The following CD163 variants were observed in gnomAD, a reference collection of about 807,000 sequenced individuals.
CD163 encodes scavenger receptor cysteine-rich type 1 protein M130.
In CD163, 64 loss-of-function variants were observed where a neutral mutation model predicts 129.2. The observed-to-expected ratio is 0.50, with a 90% confidence interval of 0.41 to 0.61. The LOEUF (loss-of-function observed/expected upper bound fraction) is 0.61. Among genes scored for constraint, CD163 ranks in the 20% least tolerant of loss-of-function variants. CD163 has a pLI of 0.00. For synonymous variants in CD163, 446 were observed against 478.5 expected (o/e 0.93, Z 0.89); for missense variants, 1,061 against 1,377.9 (o/e 0.77, Z 3.64).
chr12:7,485,541 T>G lies in CD163; in HGVS notation c.2459-125A>C. ...AATAGTACAATATGTCAGTTACTAA[T>G]AATTCGTTAGTAACTTCTGGATGAT... On this transcript the variant is annotated intron_variant, in intron 10 of 16. Transcript: ENST00000432237. This position sits in a 1 kb window ranked among gnomAD's most constrained non-coding sequence, Gnocchi z 4.5. 1.5e-5 allele frequency: 8 copies of G among 534,634 alleles called. No homozygotes were observed. The highest frequency in any genetic ancestry group is 3.9e-5 in the South Asian group (1 of 25,478). 33.1% of individuals were successfully genotyped at this position (534,634 alleles called of 1,614,324 possible).
At chr12:7,476,646 C>G (rs1038236974) in intron 16 of CD163, among the ~76,000 whole-genome samples, 9 of 152,072 alleles carry the variant, frequency 5.9e-5, no homozygotes, top group African/African-American at 2.2e-4. Flanking sequence ...AGAAGAAAAC[C>G]TAGGCAGTAC....
rs1948999918 is a variant in CD163 at position 7,471,324 on chromosome 12, A to G, written c.*105T>C. 1 of 152,290 alleles carries G rather than the reference A, an allele frequency of 6.6e-6. No homozygotes were observed. Among genetic ancestry groups the G allele is most frequent in the Admixed American group, 6.5e-5 (1 of 15,270 alleles). The allele number at this position is 152,290 out of a possible 1,614,324, so 9.4% of individuals were successfully genotyped here. On this transcript the variant is annotated 3_prime_UTR_variant, in exon 17 of 17. Coordinates refer to ENST00000432237, the MANE Select transcript of CD163 (RefSeq NM_203416.4). ...AGAACTCCATAAAAATGCAACTGTA[A>G]TAGTCAGTGAGAGAGGTGAATTTCT... is the stretch of plus-strand genomic sequence containing the variant.
chr12:7,499,721 T>C (rs1949452753), intron 3 of CD163, among the ~76,000 whole-genome samples: 1 of 152,144 alleles, frequency 6.6e-6, no homozygotes, highest in African/African-American at 2.4e-5. Context: ...GATGTTACTT[T>C]TGTTATTCCC....
chr12:7,482,450 TGCCTCA>T (rs1261238295), intron 14 of CD163, among the ~76,000 whole-genome samples, 187 bp downstream of exon 14: 6 of 152,164 alleles, frequency 3.9e-5, no homozygotes, highest in African/African-American at 1.4e-4. Context: ...GCAATTCTCC[TGCCTCA>T]GCCTCCCAAA....
chr12:7,498,314 C>T (rs991678177), intron 4 of CD163, among the ~76,000 whole-genome samples: 1 of 151,958 alleles, frequency 6.6e-6, no homozygotes, highest in Admixed American at 6.6e-5. Flanking sequence ...CGATTTTCCC[C>T]GCCCCCAGTC....
Position 7,502,493 on chromosome 12 carries a change from C to A in CD163, c.118G>T (p.Val40Phe), listed in dbSNP as rs1376389013. The A allele has an allele frequency of 1.3e-6, 2 of 1,597,860 alleles. No homozygotes were observed. Among genetic ancestry groups the A allele is most frequent in the African/African-American group, 1.3e-5 (1 of 74,714 alleles). ...AAGTACTCACCAAGAGAACTGGTGA[C>A]AAAACAGGCACTGAGAAGTAAGACC... ...TVVLLLSACFVTSSLGGTDKE... is the reference protein window; with the variant it reads ...TVVLLLSACFFTSSLGGTDKE... Residue 40 changes from valine (V) to phenylalanine (F), a missense_variant, in exon 2 of 17, where the codon GTC becomes TTC. Coordinates refer to ENST00000432237, the MANE Select transcript of CD163 (RefSeq NM_203416.4).
intron 11 of CD163, among the ~76,000 whole-genome samples, chr12:7,484,416 G>C (rs1414410826): frequency 6.6e-6 from 1 of 152,022 alleles, no homozygotes; most frequent in African/African-American, 2.4e-5. Context: ...AAGGCGGGTG[G>C]ATCACCTGAG....
intron 3 of CD163, among the ~76,000 whole-genome samples, chr12:7,499,431 GT>G: frequency 9.2e-6 from 1 of 109,032 alleles, no homozygotes; most frequent in South Asian, 3.8e-4. Context: ...TAAACTTTCT[GT>G]TTTGTTTTGT....
intron 15 of CD163, 167 bp from the exon 16 acceptor site, chr12:7,480,080 C>T: frequency 7.9e-7 from 1 of 1,262,874 alleles, no homozygotes; most frequent in Non-Finnish European, 1.1e-6. Context: ...CTAAAAACAC[C>T]ACCCATAACT....
In CD163 at chr12:7,488,038, A is replaced by G; in HGVS notation, c.1470T>C (p.Arg490=). The stretch of plus-strand genomic sequence containing the variant: ...ACGTGTCACCATGCTTCACTTCAAC[A>G]CGTCCAGAACAGGGAATGTCCCCTC... ...LVGGDIPCSG[R]VEVKHGDTWG... Residue 490 remains arginine, a synonymous_variant, in exon 7 of 17, where the codon CGT becomes CGC. Transcript: ENST00000432237. The G allele has an allele frequency of 6.2e-7, 1 of 1,614,000 alleles. No homozygotes were observed. The highest frequency in any genetic ancestry group is 8.5e-7 in the Non-Finnish European group (1 of 1,179,964).
chr12:7,482,691 C>G lies in CD163; in HGVS notation c.3199G>C (p.Ala1067Pro). 6.2e-7 allele frequency: 1 copy of G among 1,614,026 alleles called. No individual in the cohort carries two copies. The highest frequency in any genetic ancestry group is 8.5e-7 in the Non-Finnish European group (1 of 1,179,972). ...LGVVLLAIFVALFFLTKKRRQ... is the reference protein window; with the variant it reads ...LGVVLLAIFVPLFFLTKKRRQ... Reference sequence around the variant, plus strand: ...CGCTTTTTAGTCAAGAAGAATAATGCGACGAAAATGGCCAACAGAACAACC... The same window carrying G: ...CGCTTTTTAGTCAAGAAGAATAATGGGACGAAAATGGCCAACAGAACAACC... Residue 1067 changes from alanine to proline, a missense_variant, in exon 14 of 17, where the codon GCA (alanine) becomes CCA (proline). Ala to Pro is a conservative substitution (Grantham distance 27). Transcript: ENST00000432237.
chr12:7,487,555 A>G lies in CD163; in HGVS notation c.1854T>C (p.His618=), dbSNP rs779717186. The G allele has an allele frequency of 4.3e-6, 7 of 1,614,112 alleles. No homozygotes were observed. The South Asian group carries it at 7.7e-5, about 18-fold the overall frequency. The change falls in exon 8 of 17, where the codon CAT becomes CAC. Residue 618 remains histidine (H), a synonymous_variant. Coordinates refer to ENST00000432237, the MANE Select transcript of CD163 (RefSeq NM_203416.4). This position sits in a 1 kb window ranked among gnomAD's most constrained non-coding sequence, Gnocchi z 5.1. ...CNSHWDIEDA[H]VLCQQLKCGV... ...CACATTTAAGCTGCTGGCAAAGAAC[A>G]TGGGCATCTTCTATGTCCCAGTGAG...
intron 16 of CD163, among the ~76,000 whole-genome samples, chr12:7,474,014 C>A (rs1395780247): frequency 6.6e-6 from 1 of 152,050 alleles, no homozygotes; most frequent in African/African-American, 2.4e-5. Context: ...GGAATCAATG[C>A]AACAAGAAGA....
At chr12:7,500,421 C>A (rs867458524) in intron 3 of CD163, among the ~76,000 whole-genome samples, 274 of 64,034 alleles carry the variant, frequency 4.3e-3, no homozygotes, top group African/African-American at 0.011. Context: ...CAATTCGTCC[C>A]AAAAAAAAAA....
In CD163 at chr12:7,485,171, G is replaced by A; in HGVS notation, c.2704C>T (p.Leu902=). ...NVQCPKGPDT[L]WQCPSSPWEK... ...CATGGAGATGATGGGCACTGCCACA[G>A]CGTGTCAGGTCCTTTTGGACACTGA... Residue 902 remains leucine (L), a synonymous_variant, in exon 11 of 17, where the codon CTG becomes TTG. Transcript: ENST00000432237. The surrounding 1 kb of genome is among the most constrained non-coding windows in gnomAD (Gnocchi z 4.5). 1.2e-6 allele frequency: 2 copies of A among 1,614,124 alleles called. No homozygotes were observed. Among genetic ancestry groups the A allele is most frequent in the Non-Finnish European group, 1.7e-6 (2 of 1,179,976 alleles).
intron 12 of CD163, 96 bp from the exon 13 acceptor site, chr12:7,483,100 C>A: frequency 8.3e-7 from 1 of 1,202,526 alleles, no homozygotes; most frequent in South Asian, 1.3e-5. Flanking sequence ...ACCTCTCAAC[C>A]AAGTATATGA....
chr12:7,485,072 T>G lies in CD163; in HGVS notation c.2779+24A>C. 6.4e-7 allele frequency: 1 copy of G among 1,552,746 alleles called. No homozygotes were observed. The highest frequency in any genetic ancestry group is 8.7e-7 in the Non-Finnish European group (1 of 1,148,684). ...ATAGCGGGGCTGCAGAATGGAATTT[T>G]CATATAGGTCGATGGATACTCACTG... is the stretch of plus-strand genomic sequence containing the variant. On this transcript the variant is annotated intron_variant, in intron 11 of 16. Transcript: ENST00000432237. This position sits in a 1 kb window ranked among gnomAD's most constrained non-coding sequence, Gnocchi z 4.5.
chr12:7,492,588 C>CA (rs1164664835), intron 6 of CD163, among the ~76,000 whole-genome samples: 1 of 151,996 alleles, frequency 6.6e-6, no homozygotes, highest in East Asian at 1.9e-4. Flanking sequence ...AACAAAACTA[C>CA]AAAAAATCAG....
chr12:7,482,709 G>A lies in CD163; in HGVS notation c.3181C>T (p.Leu1061=), dbSNP rs1414372505. Residue 1061 remains leucine (L), a synonymous_variant, in exon 14 of 17, where the codon CTG becomes TTG. Transcript: ENST00000432237. Reference sequence around the variant, plus strand: ...AATAATGCGACGAAAATGGCCAACAGAACAACCCCAAGGATCCCGACTGCA... The same window carrying A: ...AATAATGCGACGAAAATGGCCAACAAAACAACCCCAAGGATCCCGACTGCA... The part of the protein sequence containing the change: ...FIAVGILGVV[L]LAIFVALFFL... 6 of 1,613,992 alleles carry A rather than the reference G, an allele frequency of 3.7e-6. No individual in the cohort carries two copies. The highest frequency in any genetic ancestry group is 1.7e-6 in the Non-Finnish European group (2 of 1,179,998).
Sources: gnomAD v4.1 joint callset for allele counts (sites outside exome capture counted in the v4.1 genomes callset) on GRCh38, gnomAD v4.1.1 for gene constraint, Gnocchi (gnomAD v3.1) non-coding constraint, MANE v1.5 for transcripts, NCBI Gene and HGNC (gene_info 2026-07-23, HGNC 2026-07-21) for gene names.